DNAJC10: variants seen among roughly 807,000 people sequenced by gnomAD.
The protein encoded by DNAJC10 is DnaJ heat shock protein family (Hsp40) member C10.
DNAJC10 carries 101 observed loss-of-function variants against 115.0 expected under a neutral mutation model. The observed-to-expected ratio is 0.88, with a 90% CI of 0.75 to 1.04. The LOEUF is 1.04. Ranked by LOEUF, DNAJC10 falls within the 50% of genes least tolerant of loss-of-function variation. DNAJC10 has a pLI of 0.00. For synonymous variants in DNAJC10, 307 were observed against 301.5 expected (o/e 1.02, Z -0.19); for missense variants, 981 against 928.8 (o/e 1.06, Z -0.73).
At chr2:182,737,586 C>T (rs1693615297) in intron 11 of DNAJC10, among the ~76,000 whole-genome samples, 1 of 152,140 alleles carries the variant, frequency 6.6e-6, no homozygotes, top group Non-Finnish European at 1.5e-5. Context: ...TATACACATG[C>T]ACCTATACGT....
At position 182,785,319 on chromosome 2, in the gene DNAJC10, CAG is replaced by C. The variant is rs969235451; in HGVS notation, c.*8188_*8189del. ...ATTTTTTTTTTTAATTCAAAAATCT[CAG>C]GGTTTTCTGGGGCTTTTAGTACTCC... On this transcript the variant is annotated 3_prime_UTR_variant, in exon 24 of 24. Coordinates refer to ENST00000264065, the MANE Select transcript of DNAJC10 (RefSeq NM_018981.4). The C allele has an allele frequency of 1.3e-5, 2 of 151,608 alleles. No individual in the cohort carries two copies. The highest frequency in any genetic ancestry group is 2.9e-5 in the Non-Finnish European group (2 of 67,904). The allele number at this position is 151,608 out of a possible 1,614,324, so 9.4% of individuals were successfully genotyped here.
At chr2:182,762,580 A>T in intron 21 of DNAJC10, 102 bp from the exon 22 acceptor site, 1 of 1,253,228 alleles carries the variant, frequency 8.0e-7, no homozygotes, top group Non-Finnish European at 1.1e-6. Flanking sequence ...AAGTTTTTTA[A>T]ATAAATTCTT....
Position 182,757,755 on chromosome 2 carries a change from C to A in DNAJC10, c.1873C>A (p.Gln625Lys). Residue 625 changes from glutamine to lysine, a missense_variant, in exon 19 of 24, where the codon CAG becomes AAG. By Grantham distance (53) the Gln-to-Lys change is moderately conservative. Coordinates refer to ENST00000264065, the MANE Select transcript of DNAJC10 (RefSeq NM_018981.4). The stretch of plus-strand genomic sequence containing the variant: ...CCAACAGTATCATTCTTTTTGTGCC[C>A]AGGAAAACGTTCAAAGATACCCTGA... ...DCQQYHSFCAQENVQRYPEIR... is the reference protein window; with the variant it reads ...DCQQYHSFCAKENVQRYPEIR... The A allele has an allele frequency of 1.2e-6, 2 of 1,601,932 alleles. No individual in the cohort carries two copies. The highest frequency in any genetic ancestry group is 1.1e-5 in the South Asian group (1 of 89,516).
At position 182,741,336 on chromosome 2, in the gene DNAJC10, C is replaced by T. The variant is rs867724032; in HGVS notation, c.1171C>T (p.Leu391Phe). ...DPELKKLKTL[L>F]KNDHIQVGRF... ...TGAGCTGAAAAAACTAAAAACTCTA[C>T]TTAAAAATGATCATATTCAAGTAAG... Residue 391 changes from leucine (L) to phenylalanine (F), a missense_variant, in exon 13 of 24, where the codon CTT becomes TTT. Physicochemically the swap from Leu to Phe is conservative, Grantham distance 22. Coordinates refer to ENST00000264065, the MANE Select transcript of DNAJC10 (RefSeq NM_018981.4). 3.8e-6 allele frequency: 6 copies of T among 1,568,748 alleles called. No homozygotes were observed. Among genetic ancestry groups the T allele is most frequent in the African/African-American group, 2.7e-5 (2 of 72,984 alleles).
chr2:182,749,365 G>A (rs1185931261), intron 14 of DNAJC10, among the ~76,000 whole-genome samples: 5 of 146,088 alleles, frequency 3.4e-5, no homozygotes, highest in Non-Finnish European at 7.5e-5. Flanking sequence ...ATATATTTAG[G>A]ATAGTTAGCT....
chr2:182,732,321 T>TG (rs1693469075), intron 9 of DNAJC10, among the ~76,000 whole-genome samples, 178 bp from the exon 10 acceptor site: 1 of 141,792 alleles, frequency 7.1e-6, no homozygotes, highest in African/African-American at 3.1e-5. Flanking sequence ...TGTGTGTGTG[T>TG]TTTTGTGTGT....
At chr2:182,717,910 T>A (rs1439910778) in intron 2 of DNAJC10, 31 bp from the exon 3 acceptor site, 1 of 483,588 alleles carries the variant, frequency 2.1e-6, no homozygotes, top group East Asian at 3.2e-5. Flanking sequence ...TAGTTCAAAA[T>A]GTATTTTAAC....
chr2:182,737,030 G>C (rs964212945), intron 11 of DNAJC10, among the ~76,000 whole-genome samples: 1 of 152,218 alleles, frequency 6.6e-6, no homozygotes. Context: ...GATTACAGGC[G>C]TGAGTCACCG....
At chr2:182,739,737 C>T (rs956426100) in intron 11 of DNAJC10, 1 of 1,004,258 alleles carries the variant, frequency 1.0e-6, no homozygotes. Context: ...TCTAAAAACT[C>T]CTAAGTGGTT....
chr2:182,722,552 A>ATATAG (rs1051430337), intron 5 of DNAJC10, among the ~76,000 whole-genome samples: 1 of 151,870 alleles, frequency 6.6e-6, no homozygotes, highest in Non-Finnish European at 1.5e-5. Context: ...TACAGTAATA[A>ATATAG]TAGGTTTATT....
At chr2:182,729,192 A>G (rs1693372647) in intron 7 of DNAJC10, 198 bp downstream of exon 7, 1 of 513,572 alleles carries the variant, frequency 1.9e-6, no homozygotes. Flanking sequence ...TCTGTTGCCC[A>G]GGCTGGAGTG....
At chr2:182,751,130 CTTTT>C (rs773393648) in intron 14 of DNAJC10, among the ~76,000 whole-genome samples, 29 of 85,180 alleles carry the variant, frequency 3.4e-4, no homozygotes, top group African/African-American at 1.3e-3. Context: ...GAGATTTTGA[CTTTT>C]TTTTTTTTTT....
intron 22 of DNAJC10, among the ~76,000 whole-genome samples, chr2:182,772,637 C>T (rs1694596803): frequency 6.6e-6 from 1 of 151,712 alleles, no homozygotes; most frequent in African/African-American, 2.4e-5. Flanking sequence ...GGATTGCAAC[C>T]CATGGTGTTT....
At position 182,791,937 on chromosome 2, in the gene DNAJC10, C is replaced by T. The variant is rs1215882973; in HGVS notation, c.*14805C>T. 1 of 152,142 alleles carries T rather than the reference C, an allele frequency of 6.6e-6. No homozygotes were observed. Among genetic ancestry groups the T allele is most frequent in the Non-Finnish European group, 1.5e-5 (1 of 68,014 alleles). 9.4% of individuals were successfully genotyped at this position (152,142 alleles called of 1,614,324 possible). A position where few individuals can be genotyped will look rare whatever the true frequency, so the allele number is the denominator to read the frequency against. On this transcript the variant is annotated 3_prime_UTR_variant, in exon 24 of 24. Coordinates refer to ENST00000264065, the MANE Select transcript of DNAJC10 (RefSeq NM_018981.4). ...CATTTTACAACATATTGAAGATACA[C>T]ATTTTAAATTTAACTCTAAACAATG... is the stretch of plus-strand genomic sequence containing the variant.
chr2:182,775,459 G>T (rs1228634295), intron 23 of DNAJC10, 39 bp downstream of exon 23: 5 of 1,290,672 alleles, frequency 3.9e-6, no homozygotes, highest in Non-Finnish European at 5.6e-6. Context: ...GCAAAAGTTG[G>T]CAAAAGTTAG....
intron 22 of DNAJC10, among the ~76,000 whole-genome samples, chr2:182,765,928 T>A (rs1694399869): frequency 6.6e-6 from 1 of 152,224 alleles, no homozygotes; most frequent in South Asian, 2.1e-4. Flanking sequence ...AATGACCAAT[T>A]GCATCTTTAG....
In DNAJC10 at chr2:182,793,443, A is replaced by G. The variant is rs182004592; in HGVS notation, c.*16311A>G. The G allele has an allele frequency of 1.1e-4, 17 of 152,340 alleles. No individual in the cohort carries two copies. Among genetic ancestry groups the G allele is most frequent in the South Asian group, 8.3e-4 (4 of 4,830 alleles). 9.4% of individuals were successfully genotyped at this position (152,340 alleles called of 1,614,324 possible). ...TATATTTAACATTTTATTTGAGTGA[A>G]GAACAATTCATCCATCAGGCAGCAC... On this transcript the variant is annotated 3_prime_UTR_variant, in exon 24 of 24. Transcript: ENST00000264065.
rs1694928674 is a variant in DNAJC10, at chr2:182,785,453, G to T, written c.*8321G>T. 6.6e-6 allele frequency: 1 copy of T among 151,856 alleles called. No homozygotes were observed. The highest frequency in any genetic ancestry group is 1.5e-5 in the Non-Finnish European group (1 of 67,954). 9.4% of individuals were successfully genotyped at this position (151,856 alleles called of 1,614,324 possible). Reference sequence around the variant, plus strand: ...GTAGTCAAGTACTTACTATGAGTTTGGAAAAATTGCTTACTTCATATCTGT... The same window carrying T: ...GTAGTCAAGTACTTACTATGAGTTTTGAAAAATTGCTTACTTCATATCTGT... On this transcript the variant is annotated 3_prime_UTR_variant, in exon 24 of 24. Coordinates refer to ENST00000264065, the MANE Select transcript of DNAJC10 (RefSeq NM_018981.4).
chr2:182,725,124 G>A (rs1693250757), intron 5 of DNAJC10, among the ~76,000 whole-genome samples: 1 of 152,116 alleles, frequency 6.6e-6, no homozygotes, highest in Non-Finnish European at 1.5e-5. Flanking sequence ...TACAGTCAGT[G>A]ATCTTTGATG....
Sources: allele counts gnomAD v4.1 joint callset (sites outside exome capture counted in the v4.1 genomes callset), GRCh38; gene constraint gnomAD v4.1.1; transcripts MANE v1.5; gene names NCBI Gene and HGNC (gene_info 2026-07-23, HGNC 2026-07-21).